The following BMERB1 variants were observed in gnomAD, a reference collection of about 807,000 sequenced individuals.
BMERB1 encodes the protein bMERB domain containing 1, also known as bMERB domain-containing protein 1.
A neutral mutation model predicts 23.6 loss-of-function variants in BMERB1; 12 were observed. The observed-to-expected ratio is 0.51, with a 90% CI of 0.33 to 0.82. BMERB1 has a LOEUF of 0.82. BMERB1 is among the 40% of genes least tolerant of loss of function. BMERB1 has a pLI of 0.03. For synonymous variants in BMERB1, 122 were observed against 96.6 expected, an observed-to-expected ratio of 1.26 and a Z score of -1.54; for missense variants, 247 against 255.4, an observed-to-expected ratio of 0.97 and a Z score of 0.22.
chr16:15,493,685 C>T (rs892732198), intron 1 of BMERB1, among the ~76,000 whole-genome samples: 8 of 152,062 alleles, frequency 5.3e-5, no homozygotes, highest in African/African-American at 1.9e-4. Context: ...GGCTGCTCTT[C>T]CCTGCGTCCC....
intron 1 of BMERB1, among the ~76,000 whole-genome samples, chr16:15,451,243 G>A (rs222132): frequency 0.5 from 75,685 of 151,946 alleles, 19,044 homozygotes; most frequent in Admixed American, 0.61. Context: ...CCAGGCTGGA[G>A]TACAGTGGTG....
chr16:15,458,964 G>C (rs758065212), intron 1 of BMERB1, among the ~76,000 whole-genome samples: 1 of 151,914 alleles, frequency 6.6e-6, no homozygotes, highest in Non-Finnish European at 1.5e-5. Flanking sequence ...AAAATTATCC[G>C]GGCGTGGTGG....
At chr16:15,481,248 C>T (rs1434133929) in intron 1 of BMERB1, among the ~76,000 whole-genome samples, 4 of 152,084 alleles carry the variant, frequency 2.6e-5, no homozygotes, top group African/African-American at 2.4e-5. Flanking sequence ...AAAACTCAGC[C>T]GGGCACAGTG....
At chr16:15,469,159 T>G (rs1240688634) in intron 1 of BMERB1, among the ~76,000 whole-genome samples, 2 of 151,802 alleles carry the variant, frequency 1.3e-5, no homozygotes, top group Admixed American at 1.3e-4. Flanking sequence ...AGAGACAGGG[T>G]TTCACCATGC....
chr16:15,557,098 G>A (rs1474907346), intron 2 of BMERB1, among the ~76,000 whole-genome samples: 1 of 152,118 alleles, frequency 6.6e-6, no homozygotes, highest in African/African-American at 2.4e-5. Flanking sequence ...ATTTTGTAAA[G>A]CAGCAGCTCT....
chr16:15,437,724 C>T (rs887789170), intron 1 of BMERB1, among the ~76,000 whole-genome samples: 25 of 152,018 alleles, frequency 1.6e-4, no homozygotes, highest in African/African-American at 5.3e-4. Context: ...TTTGGGAGGC[C>T]GAGGCGGGCG....
intron 5 of BMERB1, chr16:15,584,116 C>T (rs1207635028): frequency 8.6e-6 from 6 of 699,238 alleles, no homozygotes; most frequent in Admixed American, 2.0e-5. Flanking sequence ...ATGCTGTTTA[C>T]TTGACCCTGT....
chr16:15,527,519 C>A (rs2051921745), intron 2 of BMERB1, among the ~76,000 whole-genome samples: 1 of 152,120 alleles, frequency 6.6e-6, no homozygotes, highest in South Asian at 2.1e-4. Flanking sequence ...GGATGAAAAT[C>A]ACTTGATACC....
At chr16:15,466,530 A>G (rs1419920825) in intron 1 of BMERB1, among the ~76,000 whole-genome samples, 1 of 151,826 alleles carries the variant, frequency 6.6e-6, no homozygotes, top group Non-Finnish European at 1.5e-5. Flanking sequence ...TTAAAAAAAG[A>G]CTTTTTATTT....
At chr16:15,543,367 G>A (rs189558770) in intron 2 of BMERB1, among the ~76,000 whole-genome samples, 1 of 152,116 alleles carries the variant, frequency 6.6e-6, no homozygotes, top group East Asian at 1.9e-4. Context: ...CAACATTTGG[G>A]TGTGAAAACA....
chr16:15,456,000 T>A (rs1016592415), intron 1 of BMERB1, among the ~76,000 whole-genome samples: 7 of 152,150 alleles, frequency 4.6e-5, no homozygotes, highest in African/African-American at 1.7e-4. Flanking sequence ...GGGAGTGAAG[T>A]AATTTGGTGG....
intron 1 of BMERB1, among the ~76,000 whole-genome samples, chr16:15,442,935 G>A (rs1228091181): frequency 6.6e-6 from 1 of 152,102 alleles, no homozygotes; most frequent in East Asian, 1.9e-4. Context: ...CAGATTTGGA[G>A]TGAGAGACAC....
At chr16:15,551,308 G>A (rs1489060611) in intron 2 of BMERB1, among the ~76,000 whole-genome samples, 5 of 152,116 alleles carry the variant, frequency 3.3e-5, no homozygotes, top group African/African-American at 1.2e-4. Flanking sequence ...TGTATTTACT[G>A]CAATGTATCA....
At chr16:15,558,668 T>C (rs1004697035) in intron 2 of BMERB1, among the ~76,000 whole-genome samples, 7 of 151,938 alleles carry the variant, frequency 4.6e-5, no homozygotes, top group Non-Finnish European at 7.4e-5. Context: ...ATATGACATA[T>C]ATGTACCATA....
intron 1 of BMERB1, among the ~76,000 whole-genome samples, chr16:15,489,720 G>A (rs937583307): frequency 2.0e-5 from 3 of 152,102 alleles, no homozygotes; most frequent in African/African-American, 4.8e-5. Context: ...GGCTCGAGGG[G>A]ACTGTTGACA....
At chr16:15,497,563 G>A (rs762424253) in intron 1 of BMERB1, among the ~76,000 whole-genome samples, 2 of 152,216 alleles carry the variant, frequency 1.3e-5, no homozygotes, top group Non-Finnish European at 2.9e-5. Flanking sequence ...TTTCACGTCC[G>A]TTGGGCCTCT....
chr16:15,527,573 C>T (rs147514546), intron 2 of BMERB1, among the ~76,000 whole-genome samples: 3 of 151,860 alleles, frequency 2.0e-5, no homozygotes, highest in Non-Finnish European at 2.9e-5. Flanking sequence ...CCACTGCACT[C>T]TAGCTCAGGC....
In BMERB1 at chr16:15,442,246, A is replaced by G. The variant is rs900847863; in HGVS notation, c.106+7487A>G. ...CTCGGGAGGCTGAGGCGGGAGACTC[A>G]CTTGAACCAGGGGGCAGAGCTTGCA... is the stretch of plus-strand genomic sequence containing the variant. On this transcript the variant is annotated intron_variant, in intron 1 of 5. Transcript: ENST00000300006. Among the ~76,000 whole-genome samples, 11 of 151,872 alleles carry G rather than the reference A, an allele frequency of 7.2e-5. No individual in the cohort carries two copies. In the East Asian group the frequency reaches 2.1e-3, roughly 29 times the overall value.
In BMERB1 at chr16:15,478,906, G is replaced by T. The variant is rs1236184424; in HGVS notation, c.107-36399G>T. ...TGATGGAATGGGAAATACACGAAAAGCACTTCTTCTGGATTCTGAAGCACA... is the reference window on the plus strand; with the variant it reads ...TGATGGAATGGGAAATACACGAAAATCACTTCTTCTGGATTCTGAAGCACA... On this transcript the variant is annotated intron_variant, in intron 1 of 5. Coordinates refer to ENST00000300006, the MANE Select transcript of BMERB1 (RefSeq NM_033201.3). Among the ~76,000 whole-genome samples, 7 of 152,318 alleles carry T rather than the reference G, an allele frequency of 4.6e-5. No homozygotes were observed. In the Middle Eastern group the frequency reaches 0.01, roughly 222 times the overall value.
Sources: allele counts gnomAD v4.1 joint callset (sites outside exome capture counted in the v4.1 genomes callset), GRCh38; gene constraint gnomAD v4.1.1; transcripts MANE v1.5; gene names NCBI Gene and HGNC (gene_info 2026-07-23, HGNC 2026-07-21).